Variants in OXA1L observed in about 807,000 individuals in gnomAD.
OXA1L encodes OXA1L mitochondrial inner membrane insertase.
Under a neutral mutation model 52.2 loss-of-function variants are expected in OXA1L, and 42 were observed. That is an observed-to-expected ratio of 0.80 (90% CI 0.63 to 1.04). The LOEUF (loss-of-function observed/expected upper bound fraction) is 1.04, where lower values mean the gene tolerates loss of function less well. Ranked by LOEUF, OXA1L falls within the 50% of genes least tolerant of loss-of-function variation. OXA1L has a pLI of 0.00. For synonymous variants in OXA1L, 239 were observed against 201.9 expected, an observed-to-expected ratio of 1.18 and a Z score of -1.56; for missense variants, 572 against 555.0, an observed-to-expected ratio of 1.03 and a Z score of -0.31.
chr14:22,767,124 T>C (rs1329005038), intron 1 of OXA1L, 124 bp from the exon 2 acceptor site: 1 of 1,533,592 alleles, frequency 6.5e-7, no homozygotes, highest in Non-Finnish European at 8.7e-7. Context: ...GTGATAGCAA[T>C]GTCCTCCCCT....
At chr14:22,766,989 C>G (rs369854860) in intron 1 of OXA1L, 1 of 1,531,966 alleles carries the variant, frequency 6.5e-7, no homozygotes, top group Non-Finnish European at 8.7e-7. Context: ...GCGAGAGCAC[C>G]TCGGCCTCGT....
Position 22,771,555 on chromosome 14 carries a change from C to T in OXA1L, c.1305C>T (p.Gly435=). The change falls in exon 10 of 10, where the codon GGC becomes GGT. Residue 435 remains glycine (G), a synonymous_variant. Coordinates refer to ENST00000612549, the MANE Select transcript of OXA1L (RefSeq NM_005015.5). The part of the protein sequence containing the change: ...KSKYPWHDTL[G] ...AGTATCCCTGGCACGACACACTTGG[C>T]TGACTTATGTTCTGTGCGCATTCTG... 2.5e-6 allele frequency: 4 copies of T among 1,614,192 alleles called. No individual in the cohort carries two copies. Among genetic ancestry groups the T allele is most frequent in the Non-Finnish European group, 3.4e-6 (4 of 1,179,998 alleles).
Position 22,767,853 on chromosome 14 carries a change from CAAG to C in OXA1L, c.226-101_226-99del, listed in dbSNP as rs2038422691. On this transcript the variant is annotated intron_variant, in intron 2 of 9. Transcript: ENST00000612549. ...CAGACACTAGGCTAACCTGGAAGAACAAGAAGTAGAGAGAACAGAACCCAGTAC... is the reference window on the plus strand; with the variant it reads ...CAGACACTAGGCTAACCTGGAAGAACAAGTAGAGAGAACAGAACCCAGTAC... 8 of 836,748 alleles carry C rather than the reference CAAG, an allele frequency of 9.6e-6. No individual in the cohort carries two copies. In the South Asian group the frequency reaches 1.6e-4, roughly 17 times the overall value. 51.8% of individuals were successfully genotyped at this position (836,748 alleles called of 1,614,324 possible). A position where few individuals can be genotyped will look rare whatever the true frequency, so the allele number is the denominator to read the frequency against.
At chr14:22,771,215 A>G in intron 8 of OXA1L, 35 bp downstream of exon 8, 1 of 1,612,898 alleles carries the variant, frequency 6.2e-7, no homozygotes. Context: ...AGGACTAGGG[A>G]AAGGGGTCTA....
Position 22,767,946 on chromosome 14 carries a change from T to G in OXA1L, c.226-12T>G. 1 of 1,598,578 alleles carries G rather than the reference T, an allele frequency of 6.3e-7. No homozygotes were observed. ...ACTGAATAAATATAATACAAGGCTT[T>G]CTTTCACACAGGTTCAGGCCCCTCC... is the stretch of plus-strand genomic sequence containing the variant. On this transcript the variant is annotated splice_polypyrimidine_tract_variant and intron_variant, in intron 2 of 9. Coordinates refer to ENST00000612549, the MANE Select transcript of OXA1L (RefSeq NM_005015.5).
chr14:22,769,505 A>G (rs1295647813), intron 3 of OXA1L, among the ~76,000 whole-genome samples: 1 of 152,244 alleles, frequency 6.6e-6, no homozygotes, highest in Non-Finnish European at 1.5e-5. Context: ...TGCCAGTAAC[A>G]TAATTGCTAA....
At position 22,766,735 on chromosome 14, in the gene OXA1L, C is replaced by G. The variant is rs568620624; in HGVS notation, c.34C>G (p.Leu12Val). Residue 12 changes from leucine (L) to valine (V), a missense_variant, in exon 1 of 10, where the codon CTT becomes GTT. This residue lies in a region of OXA1L where 186 missense variants were observed against 151.8 expected (regional missense o/e 1.23). Transcript: ENST00000612549. ...AMGLMCGRRE[L>V]LRLLQSGRRV... ...GGGACTAATGTGCGGACGCCGGGAGCTTCTGCGCTTGCTACAGTCCGGGCG... is the reference window on the plus strand; with the variant it reads ...GGGACTAATGTGCGGACGCCGGGAGGTTCTGCGCTTGCTACAGTCCGGGCG... 8.1e-6 allele frequency: 13 copies of G among 1,614,162 alleles called. No individual in the cohort carries two copies. The highest frequency in any genetic ancestry group is 4.4e-5 in the South Asian group (4 of 91,094).
At chr14:22,768,493 TTGGGAAG>T in intron 3 of OXA1L, 6 of 327,706 alleles carry the variant, frequency 1.8e-5, no homozygotes, top group South Asian at 6.8e-5. Flanking sequence ...AACCCCTAAA[TTGGGAAG>T]CCACTAGCAT....
Position 22,770,610 on chromosome 14 carries a change from G to A in OXA1L, c.819G>A (p.Met273Ile). 6.2e-7 allele frequency: 1 copy of A among 1,612,276 alleles called. No homozygotes were observed. The highest frequency in any genetic ancestry group is 8.5e-7 in the Non-Finnish European group (1 of 1,178,532). The change falls in exon 6 of 10, where the codon ATG becomes ATA. Residue 273 changes from methionine (M) to isoleucine (I), a missense_variant. This residue lies in a region of OXA1L where 244 missense variants were observed against 240.2 expected (regional missense o/e 1.02). Transcript: ENST00000612549. Reference sequence around the variant, plus strand: ...TACCACTGGCAGTCACTGCTACAATGTGGGCTGTTCTTGAGGTAAGCCCAG... The same window carrying A: ...TACCACTGGCAGTCACTGCTACAATATGGGCTGTTCTTGAGGTAAGCCCAG... ...YILPLAVTAT[M>I]WAVLELGAET...
intron 1 of OXA1L, 158 bp downstream of exon 1, chr14:22,766,922 C>A (rs750924617): frequency 6.6e-7 from 1 of 1,514,494 alleles, no homozygotes; most frequent in African/African-American, 1.4e-5. Context: ...AGGGTTAGTC[C>A]CCGACACTAT....
chr14:22,771,535 C>A lies in OXA1L; in HGVS notation c.1285C>A (p.Pro429Thr). 1 of 1,614,184 alleles carries A rather than the reference C, an allele frequency of 6.2e-7. No homozygotes were observed. The highest frequency in any genetic ancestry group is 8.5e-7 in the Non-Finnish European group (1 of 1,180,014). Residue 429 changes from proline to threonine, a missense_variant, in exon 10 of 10, where the codon CCC becomes ACC. By Grantham distance (38) the Pro-to-Thr change is conservative. Coordinates refer to ENST00000612549, the MANE Select transcript of OXA1L (RefSeq NM_005015.5). ...CAGCAGCAAACCAAAGTCAAAGTAT[C>A]CCTGGCACGACACACTTGGCTGACT... ...SSSSKPKSKY[P>T]WHDTLG
rs562492559 is a variant in OXA1L, at chr14:22,766,708, A to G, written c.7A>G (p.Met3Val). The change falls in exon 1 of 10, where the codon ATG (methionine) becomes GTG (valine). Residue 3 changes from methionine (M) to valine (V), a missense_variant. Met to Val is a conservative substitution (Grantham distance 21). Transcript: ENST00000612549. MA[M>V]GLMCGRRELL... ...AAGTCCTCTTCCGGGCAAAATGGCG[A>G]TGGGACTAATGTGCGGACGCCGGGA... 3.1e-5 allele frequency: 50 copies of G among 1,614,246 alleles called. No homozygotes were observed. The South Asian group carries it at 4.3e-4, about 14-fold the overall frequency.
chr14:22,768,220 T>C (rs766891774), intron 3 of OXA1L, 49 bp downstream of exon 3: 3 of 1,433,876 alleles, frequency 2.1e-6, no homozygotes, highest in South Asian at 1.1e-5. Flanking sequence ...ACCTCATAGA[T>C]GGCAATTCTT....
chr14:22,771,590 CTG>C lies in OXA1L; in HGVS notation c.*34_*35del, dbSNP rs758027886. The C allele has an allele frequency of 1.9e-6, 3 of 1,612,826 alleles. No homozygotes were observed. The highest frequency in any genetic ancestry group is 4.5e-5 in the East Asian group (2 of 44,886). On this transcript the variant is annotated 3_prime_UTR_variant, in exon 10 of 10. Transcript: ENST00000612549. ...TTCTGTGCGCATTCTGGCAGGAATT[CTG>C]TCTCTTCAGAGACTCATCCTCAAAA...
In OXA1L at chr14:22,771,797, A is replaced by C; in HGVS notation, c.*239A>C. ...CCTCTGTACTACATGCTGCTTCCTG[A>C]TACTTATTGAACAGGGAAATCAGTG... On this transcript the variant is annotated 3_prime_UTR_variant, in exon 10 of 10. Transcript: ENST00000612549. 1 of 501,036 alleles carries C rather than the reference A, an allele frequency of 2.0e-6. No individual in the cohort carries two copies. 31.0% of individuals were successfully genotyped at this position (501,036 alleles called of 1,614,324 possible).
At chr14:22,767,088 G>C in intron 1 of OXA1L, 160 bp from the exon 2 acceptor site, 1 of 1,536,456 alleles carries the variant, frequency 6.5e-7, no homozygotes, top group Middle Eastern at 1.7e-4. Flanking sequence ...CCCGCTGCAT[G>C]CCTTCGGGCT....
At chr14:22,766,872 G>A in intron 1 of OXA1L, 108 bp downstream of exon 1, 1 of 1,558,994 alleles carries the variant, frequency 6.4e-7, no homozygotes, top group Non-Finnish European at 8.6e-7. Context: ...TGCTCACCGG[G>A]ACCTGAATGT....
chr14:22,767,283 G>A lies in OXA1L; in HGVS notation c.99G>A (p.Gly33=). The change falls in exon 2 of 10, where the codon GGG becomes GGA. Residue 33 remains glycine (G), a synonymous_variant. Transcript: ENST00000612549. ...TCGCAGGGCCCTCGCAATGGCTTGG[G>A]AAACCGCTGACCACACGGCTCCTAT... ...HSVAGPSQWL[G]KPLTTRLLFP... The A allele has an allele frequency of 3.1e-6, 5 of 1,612,858 alleles. No individual in the cohort carries two copies. Among genetic ancestry groups the A allele is most frequent in the Non-Finnish European group, 4.2e-6 (5 of 1,179,650 alleles).
Position 22,772,855 on chromosome 14 carries a change from T to TGGTGCTTG in OXA1L, c.*1298_*1305dup, listed in dbSNP as rs1402792671. On this transcript the variant is annotated 3_prime_UTR_variant, in exon 10 of 10. Coordinates refer to ENST00000612549, the MANE Select transcript of OXA1L (RefSeq NM_005015.5). ...CTGCTAAAAAGTTAGCTGAGCATGG[T>TGGTGCTTG]GGTGCTTGTCCATAGTCCCAGCTAC... 1 of 165,934 alleles carries TGGTGCTTG rather than the reference T, an allele frequency of 6.0e-6. No homozygotes were observed. The highest frequency in any genetic ancestry group is 1.3e-5 in the Non-Finnish European group (1 of 76,282). The allele number at this position is 165,934 out of a possible 1,614,324, so 10.3% of individuals were successfully genotyped here.
Sources: gnomAD v4.1 joint callset for allele counts (sites outside exome capture counted in the v4.1 genomes callset) on GRCh38, gnomAD v4.1.1 for gene constraint, gnomAD v4.1.1 regional missense constraint, MANE v1.5 for transcripts, NCBI Gene and HGNC (gene_info 2026-07-23, HGNC 2026-07-21) for gene names.